Variants in EML6 observed in about 807,000 individuals in gnomAD.
EML6 encodes echinoderm microtubule-associated protein-like 6.
A neutral mutation model predicts 240.1 loss-of-function variants in EML6; 154 were observed. The ratio of observed to expected loss-of-function variants is 0.64; its 90% CI spans 0.56 to 0.73. The LOEUF (loss-of-function observed/expected upper bound fraction) is 0.73, where lower values mean the gene tolerates loss of function less well. Among genes scored for constraint, EML6 ranks in the 30% least tolerant of loss-of-function variants. The pLI, the probability that EML6 is intolerant of heterozygous loss-of-function variation, is 0.00. For synonymous variants in EML6, 1,148 were observed against 899.0 expected, an observed-to-expected ratio of 1.28 and a Z score of -4.95; for missense variants, 2,964 against 2,474.6, an observed-to-expected ratio of 1.20 and a Z score of -4.20.
Position 54,723,700 on chromosome 2 carries a change from G to C in EML6, c.-591G>C, listed in dbSNP as rs778027344. On this transcript the variant is annotated 5_prime_UTR_variant, in exon 1 of 42. Coordinates refer to ENST00000356458, the MANE Select transcript of EML6 (RefSeq NM_001039753.4). ...ATCCCCGGGTGCGGGAGGCGGGGAG[G>C]GGAGGGCAGGCAGAGGATTTCGCTC... 3 of 152,318 alleles carry C rather than the reference G, an allele frequency of 2.0e-5. No individual in the cohort carries two copies. Among genetic ancestry groups the C allele is most frequent in the African/African-American group, 7.2e-5 (3 of 41,456 alleles). The allele number at this position is 152,318 out of a possible 1,614,324, so 9.4% of individuals were successfully genotyped here. A position where few individuals can be genotyped will look rare whatever the true frequency, so the allele number is the denominator to read the frequency against.
Position 54,970,785 on chromosome 2 carries a change from A to AC in EML6, c.*693dup, listed in dbSNP as rs1247653034. ...CCTCAAAGCTGAGGAGGGCTGCAGG[A>AC]CCCTTAGCAGATTCAGTGTGTCACC... On this transcript the variant is annotated 3_prime_UTR_variant, in exon 42 of 42. Transcript: ENST00000356458. The AC allele has an allele frequency of 2.0e-5, 3 of 152,372 alleles. No homozygotes were observed. The highest frequency in any genetic ancestry group is 4.4e-5 in the Non-Finnish European group (3 of 68,188). The allele number at this position is 152,372 out of a possible 1,614,324, so 9.4% of individuals were successfully genotyped here. A position where few individuals can be genotyped will look rare whatever the true frequency, so the allele number is the denominator to read the frequency against.
At chr2:54,867,427 G>A (rs1671029979) in intron 14 of EML6, 1 of 152,178 alleles carries the variant, frequency 6.6e-6, no homozygotes, top group South Asian at 2.1e-4. Context: ...TGGATGCAAA[G>A]GAACCTAAAT....
At chr2:54,890,572 C>G (rs765221404) in intron 17 of EML6, among the ~76,000 whole-genome samples, 1 of 152,166 alleles carries the variant, frequency 6.6e-6, no homozygotes, top group African/African-American at 2.4e-5. Context: ...GCTTCAACTT[C>G]TAAACAATAT....
intron 16 of EML6, among the ~76,000 whole-genome samples, chr2:54,878,796 T>C (rs983019172): frequency 6.6e-6 from 1 of 152,202 alleles, no homozygotes; most frequent in African/African-American, 2.4e-5. Context: ...AAAATGTTCA[T>C]GATATAATAG....
In EML6 at chr2:54,725,091, G is replaced by A; in HGVS notation, c.30G>A (p.Gln10=). ...CGGATCGGACGGCGCCCCGCTGCCA[G>A]CTCCGGCTGGAGTGGGTGTACGGGT... The part of the protein sequence containing the change: MADRTAPRC[Q]LRLEWVYGYR... The change falls in exon 2 of 42, where the codon CAG becomes CAA. Residue 10 remains glutamine (Q), a synonymous_variant. Transcript: ENST00000356458. The surrounding 1 kb of genome is among the most constrained non-coding windows in gnomAD (Gnocchi z 4.3). 7 of 1,531,194 alleles carry A rather than the reference G, an allele frequency of 4.6e-6. No individual in the cohort carries two copies. The highest frequency in any genetic ancestry group is 6.1e-6 in the Non-Finnish European group (7 of 1,138,420). 94.9% of individuals were successfully genotyped at this position (1,531,194 alleles called of 1,614,324 possible). A position where few individuals can be genotyped will look rare whatever the true frequency, so the allele number is the denominator to read the frequency against.
intron 32 of EML6, among the ~76,000 whole-genome samples, chr2:54,954,750 G>T (rs945078179): frequency 6.6e-6 from 1 of 152,152 alleles, no homozygotes; most frequent in African/African-American, 2.4e-5. Context: ...AGCTGCAACT[G>T]AATGTGTGGT....
intron 2 of EML6, among the ~76,000 whole-genome samples, chr2:54,811,876 TAA>T (rs1387219213): frequency 6.6e-6 from 1 of 152,252 alleles, no homozygotes; most frequent in Non-Finnish European, 1.5e-5. Context: ...CTTAAAAAGT[TAA>T]AAGCTTATAG....
chr2:54,916,274 G>A (rs1198405435), intron 25 of EML6, among the ~76,000 whole-genome samples: 2 of 152,206 alleles, frequency 1.3e-5, no homozygotes, highest in East Asian at 3.8e-4. Flanking sequence ...TCAACTGAGA[G>A]CAATTTTGTT....
intron 2 of EML6, among the ~76,000 whole-genome samples, chr2:54,790,282 C>G (rs1268720160): frequency 6.6e-6 from 1 of 152,152 alleles, no homozygotes; most frequent in Non-Finnish European, 1.5e-5. Flanking sequence ...CCACTGTCTT[C>G]CCACATATGT....
In EML6 at chr2:54,916,765, A is replaced by G. The variant is rs1673936686; in HGVS notation, c.3505A>G (p.Lys1169Glu). 6.7e-7 allele frequency: 1 copy of G among 1,491,074 alleles called. No individual in the cohort carries two copies. Among genetic ancestry groups the G allele is most frequent in the African/African-American group, 1.4e-5 (1 of 71,842 alleles). 92.4% of individuals were successfully genotyped at this position (1,491,074 alleles called of 1,614,324 possible). The change falls in exon 26 of 42, where the codon AAG becomes GAG. Residue 1169 changes from lysine to glutamate, a missense_variant. Lys to Glu is a moderately conservative substitution (Grantham distance 56). Coordinates refer to ENST00000356458, the MANE Select transcript of EML6 (RefSeq NM_001039753.4). ...RHIIRPSEIE[K>E]IEWDTWTCVL... is the part of the protein sequence containing the mutation. ...CTCTTTCGTTCTTTTTCAGATCGAG[A>G]AGATAGAGTGGGACACATGGACCTG...
Position 54,959,179 on chromosome 2 carries a change from G to T in EML6, c.4771G>T (p.Ala1591Ser), listed in dbSNP as rs941059785. Residue 1591 changes from alanine (A) to serine (S), a missense_variant, in exon 34 of 42, where the codon GCC (alanine) becomes TCC (serine). Physicochemically the swap from Ala to Ser is moderately conservative, Grantham distance 99. Coordinates refer to ENST00000356458, the MANE Select transcript of EML6 (RefSeq NM_001039753.4). ...GGACCACTTCCTCATCCGGCTGGTG[G>T]CCAAGGCTCACACAGGCCCCGTGTT... ...WKDHFLIRLV[A>S]KAHTGPVFTM... 6.4e-7 allele frequency: 1 copy of T among 1,551,610 alleles called. No individual in the cohort carries two copies. The highest frequency in any genetic ancestry group is 1.4e-5 in the African/African-American group (1 of 73,162).
chr2:54,876,858 T>A (rs779890839), intron 16 of EML6, among the ~76,000 whole-genome samples: 6 of 152,186 alleles, frequency 3.9e-5, no homozygotes, highest in Non-Finnish European at 8.8e-5. Context: ...AAGATCTTCT[T>A]TTCTAGCTAT....
rs531477237 is a variant in EML6 at position 54,950,786 on chromosome 2, G to C, written c.4213+7G>C. 1.7e-5 allele frequency: 26 copies of C among 1,546,102 alleles called. No individual in the cohort carries two copies. The highest frequency in any genetic ancestry group is 1.7e-5 in the Non-Finnish European group (20 of 1,145,116). On this transcript the variant is annotated splice_region_variant and intron_variant, in intron 30 of 41. Coordinates refer to ENST00000356458, the MANE Select transcript of EML6 (RefSeq NM_001039753.4). ...GTTCAGAACCTCTCCACAGGTAACC[G>C]GGGGTTAAAAAATACAGGTTTTTCT...
At chr2:54,846,629 A>C (rs1004293802) in intron 8 of EML6, among the ~76,000 whole-genome samples, 2 of 151,858 alleles carry the variant, frequency 1.3e-5, no homozygotes, top group African/African-American at 2.4e-5. Context: ...GATTACAGGC[A>C]TGCCCCACCA....
chr2:54,824,380 G>T (rs1310863800), intron 5 of EML6, among the ~76,000 whole-genome samples: 2 of 152,000 alleles, frequency 1.3e-5, no homozygotes, highest in Admixed American at 6.5e-5. Flanking sequence ...TATTAATTTT[G>T]CTTAGAAATA....
chr2:54,835,942 T>C (rs79981126), intron 7 of EML6, among the ~76,000 whole-genome samples: 3 of 152,140 alleles, frequency 2.0e-5, no homozygotes, highest in African/African-American at 7.2e-5. Context: ...CACCCTTGTT[T>C]ACGATAGAAG....
Position 54,968,725 on chromosome 2 carries a change from TATG to T in EML6, c.5814_5816del (p.Asp1939del), listed in dbSNP as rs1373215083. 3 of 1,551,258 alleles carry T rather than the reference TATG, an allele frequency of 1.9e-6. No homozygotes were observed. The highest frequency in any genetic ancestry group is 2.4e-5 in the East Asian group (1 of 40,920). ...TCACGTGACGAACATCCGTTTCTCTTATGATGACAAGTATGTGGTCAGCACTGG... is the reference window on the plus strand; with the variant it reads ...TCACGTGACGAACATCCGTTTCTCTTATGACAAGTATGTGGTCAGCACTGG... On this transcript the variant is annotated inframe_deletion, in exon 41 of 42. Transcript: ENST00000356458.
chr2:54,840,956 C>T (rs532600169), intron 7 of EML6, among the ~76,000 whole-genome samples: 1 of 152,340 alleles, frequency 6.6e-6, no homozygotes, highest in Non-Finnish European at 1.5e-5. Flanking sequence ...TGATGCAAAG[C>T]CTGCTAGGGA....
intron 15 of EML6, among the ~76,000 whole-genome samples, chr2:54,869,955 T>G (rs576964647): frequency 6.6e-6 from 1 of 152,328 alleles, no homozygotes; most frequent in Admixed American, 6.5e-5. Context: ...TATTAAAGAC[T>G]TTATTAAACA....
Sources: gnomAD v4.1 joint callset for allele counts (sites outside exome capture counted in the v4.1 genomes callset) on GRCh38, gnomAD v4.1.1 for gene constraint, Gnocchi (gnomAD v3.1) non-coding constraint, MANE v1.5 for transcripts, NCBI Gene and HGNC (gene_info 2026-07-23, HGNC 2026-07-21) for gene names.